KIAA0408: variants seen among roughly 807,000 people sequenced by gnomAD.
KIAA0408 encodes the protein KIAA0408.
Under a neutral mutation model 60.9 loss-of-function variants are expected in KIAA0408, and 51 were observed. That is an observed-to-expected ratio of 0.84 (90% CI 0.67 to 1.06). KIAA0408 has a LOEUF of 1.06. Ranked by LOEUF, KIAA0408 falls within the 50% of genes least tolerant of loss-of-function variation. KIAA0408 has a pLI of 0.00. For missense variants in KIAA0408, 787 were observed against 833.9 expected (o/e 0.94, Z 0.69); for synonymous variants, 304 against 282.4 (o/e 1.08, Z -0.77).
Position 127,440,873 on chromosome 6 carries a change from A to C in KIAA0408, c.*3236T>G, listed in dbSNP as rs1297484326. The C allele has an allele frequency of 6.6e-6, 1 of 152,386 alleles. No homozygotes were observed. Among genetic ancestry groups the C allele is most frequent in the Non-Finnish European group, 1.5e-5 (1 of 68,104 alleles). 9.4% of individuals were successfully genotyped at this position (152,386 alleles called of 1,614,324 possible). ...GAGTTTTGGGTGGCCAGGAGCAGGA[A>C]GTCAGGCAGGTTTGGCTTCAGTTGT... On this transcript the variant is annotated 3_prime_UTR_variant, in exon 6 of 6. Transcript: ENST00000483725.
chr6:127,456,865 T>G (rs1773404857), intron 1 of KIAA0408, among the ~76,000 whole-genome samples: 1 of 152,034 alleles, frequency 6.6e-6, no homozygotes, highest in South Asian at 2.1e-4. Flanking sequence ...AACACTGCTC[T>G]GGATCATAGC....
In KIAA0408 at chr6:127,446,861, T is replaced by C; in HGVS notation, c.1458A>G (p.Ser486=). Residue 486 remains serine, a synonymous_variant, in exon 5 of 6, where the codon TCA becomes TCG. Coordinates refer to ENST00000483725, the MANE Select transcript of KIAA0408 (RefSeq NM_014702.5). The part of the protein sequence containing the change: ...DTSSTHTGSI[S]QSNDVSGIWK... ...AAATACCGGACACATCGTTACTTTG[T>C]GATATGCTACCTGTGTGAGTAGATG... 6.2e-7 allele frequency: 1 copy of C among 1,613,938 alleles called. No individual in the cohort carries two copies. Among genetic ancestry groups the C allele is most frequent in the Non-Finnish European group, 8.5e-7 (1 of 1,179,922 alleles).
chr6:127,448,582 G>C (rs1004884116), intron 4 of KIAA0408, among the ~76,000 whole-genome samples: 3 of 143,306 alleles, frequency 2.1e-5, no homozygotes, highest in African/African-American at 7.4e-5. Context: ...ACTAAATATC[G>C]CAATTCAAAC....
chr6:127,444,370 C>T (rs1332069005), intron 5 of KIAA0408, 88 bp from the exon 6 acceptor site: 12 of 979,148 alleles, frequency 1.2e-5, no homozygotes, highest in Middle Eastern at 2.8e-4. Context: ...AAGATTAGTC[C>T]GTTAGTAAAT....
intron 2 of KIAA0408, among the ~76,000 whole-genome samples, chr6:127,451,515 T>C (rs1773302425): frequency 6.6e-6 from 1 of 152,112 alleles, no homozygotes; most frequent in Non-Finnish European, 1.5e-5. Flanking sequence ...AAAAGTGACA[T>C]GTTAAATCTA....
intron 2 of KIAA0408, chr6:127,450,621 G>A (rs1025128034): frequency 9.4e-6 from 3 of 318,122 alleles, no homozygotes; most frequent in Admixed American, 4.7e-5. Flanking sequence ...AAATAAATCT[G>A]TATCTGTATA....
In KIAA0408 at chr6:127,446,681, A is replaced by G; in HGVS notation, c.1638T>C (p.Asn546=). ...CAGCTGACCTCGGACGGCCAGACAA[A>G]TTACTCGGTCTCCAGTCATGCTCGT... ...MLHEHDWRPS[N]LSGRPRSADP... The change falls in exon 5 of 6, where the codon AAT becomes AAC. Residue 546 remains asparagine, a synonymous_variant. Coordinates refer to ENST00000483725, the MANE Select transcript of KIAA0408 (RefSeq NM_014702.5). 6.2e-7 allele frequency: 1 copy of G among 1,613,920 alleles called. No individual in the cohort carries two copies. Among genetic ancestry groups the G allele is most frequent in the South Asian group, 1.1e-5 (1 of 91,072 alleles).
In KIAA0408 at chr6:127,447,327, G is replaced by A. The variant is rs2236026; in HGVS notation, c.992C>T (p.Ser331Leu). ...AGAGGAAAAGATGATACCATCTTTCGAAGTTTTCCCTTCATTTGGATACAA... is the reference window on the plus strand; with the variant it reads ...AGAGGAAAAGATGATACCATCTTTCAAAGTTTTCCCTTCATTTGGATACAA... ...SMLYPNEGKT[S>L]KDGIIFSSLV... is the part of the protein sequence containing the mutation. Residue 331 changes from serine (S) to leucine (L), a missense_variant, in exon 5 of 6, where the codon TCG (serine) becomes TTG (leucine). Ser to Leu is a moderately radical substitution (Grantham distance 145). Around this residue, in one of 3 missense-constraint regions of KIAA0408, gnomAD observed 640 missense variants for 681.3 expected, o/e 0.94. Transcript: ENST00000483725. 160,572 of 1,613,222 alleles carry A rather than the reference G, an allele frequency of 0.1. 17,912 individuals are homozygous for A. The highest frequency in any genetic ancestry group is 0.65 in the East Asian group (29,230 of 44,862).
Position 127,440,122 on chromosome 6 carries a change from T to A in KIAA0408, c.*3987A>T, listed in dbSNP as rs538578903. The A allele has an allele frequency of 1.3e-5, 2 of 152,312 alleles. No homozygotes were observed. Among genetic ancestry groups the A allele is most frequent in the East Asian group, 3.9e-4 (2 of 5,186 alleles). The allele number at this position is 152,312 out of a possible 1,614,324, so 9.4% of individuals were successfully genotyped here. ...ACTATCATTGAAATGTGTATCAGAT[T>A]TTAAGTATCATGATTTTATTCCCAA... is the stretch of plus-strand genomic sequence containing the variant. On this transcript the variant is annotated 3_prime_UTR_variant, in exon 6 of 6. Transcript: ENST00000483725.
intron 5 of KIAA0408, among the ~76,000 whole-genome samples, chr6:127,444,748 T>A (rs1320289885): frequency 2.0e-5 from 3 of 152,024 alleles, no homozygotes; most frequent in Non-Finnish European, 4.4e-5. Context: ...AAATGATTAA[T>A]CTGATGCTTT....
intron 4 of KIAA0408, among the ~76,000 whole-genome samples, chr6:127,448,344 C>T (rs1186342102): frequency 2.0e-5 from 3 of 151,660 alleles, no homozygotes; most frequent in Admixed American, 6.6e-5. Context: ...TATGGCTACT[C>T]GAAGGAAAAT....
Position 127,440,765 on chromosome 6 carries a change from CT to C in KIAA0408, c.*3343del, listed in dbSNP as rs1193354157. The C allele has an allele frequency of 6.6e-6, 1 of 152,072 alleles. No homozygotes were observed. Among genetic ancestry groups the C allele is most frequent in the Non-Finnish European group, 1.5e-5 (1 of 67,994 alleles). 9.4% of individuals were successfully genotyped at this position (152,072 alleles called of 1,614,324 possible). Reference sequence around the variant, plus strand: ...TAAATGCAAATCTTAGAAGTAAAAACTTTTTTCAAAGAAGACTTTTATCAGA... The same window carrying C: ...TAAATGCAAATCTTAGAAGTAAAAACTTTTTCAAAGAAGACTTTTATCAGA... On this transcript the variant is annotated 3_prime_UTR_variant, in exon 6 of 6. Transcript: ENST00000483725.
At position 127,443,218 on chromosome 6, in the gene KIAA0408, A is replaced by G. The variant is rs1260579049; in HGVS notation, c.*891T>C. On this transcript the variant is annotated 3_prime_UTR_variant, in exon 6 of 6. Coordinates refer to ENST00000483725, the MANE Select transcript of KIAA0408 (RefSeq NM_014702.5). The stretch of plus-strand genomic sequence containing the variant: ...CAACTTAAAGAAAAACTAAAATTCA[A>G]CATCATTCAGTTTCTTTTTGCATCC... The G allele has an allele frequency of 6.6e-6, 1 of 152,146 alleles. No individual in the cohort carries two copies. Among genetic ancestry groups the G allele is most frequent in the African/African-American group, 2.4e-5 (1 of 41,456 alleles). The allele number at this position is 152,146 out of a possible 1,614,324, so 9.4% of individuals were successfully genotyped here. A position where few individuals can be genotyped will look rare whatever the true frequency, so the allele number is the denominator to read the frequency against.
rs1450310389 is a variant in KIAA0408, at chr6:127,441,198, C to G, written c.*2911G>C. 4 of 152,426 alleles carry G rather than the reference C, an allele frequency of 2.6e-5. No individual in the cohort carries two copies. Among genetic ancestry groups the G allele is most frequent in the Non-Finnish European group, 4.4e-5 (3 of 68,014 alleles). 9.4% of individuals were successfully genotyped at this position (152,426 alleles called of 1,614,324 possible). A position where few individuals can be genotyped will look rare whatever the true frequency, so the allele number is the denominator to read the frequency against. ...AAGTCCAGATGTTTTCTCAGGATAA[C>G]TAAACCTGGTAAAATCACCTATATA... On this transcript the variant is annotated 3_prime_UTR_variant, in exon 6 of 6. Coordinates refer to ENST00000483725, the MANE Select transcript of KIAA0408 (RefSeq NM_014702.5).
In KIAA0408 at chr6:127,446,848, C is replaced by T. The variant is rs1166558131; in HGVS notation, c.1471G>A (p.Val491Met). The change falls in exon 5 of 6, where the codon GTG becomes ATG. Residue 491 changes from valine (V) to methionine (M), a missense_variant. Transcript: ENST00000483725. ...HTGSISQSNDVSGIWKTNAHM... is the reference protein window; with the variant it reads ...HTGSISQSNDMSGIWKTNAHM... ...GCATTGGTTTTCCAAATACCGGACA[C>T]ATCGTTACTTTGTGATATGCTACCT... is the stretch of plus-strand genomic sequence containing the variant. 1.2e-6 allele frequency: 2 copies of T among 1,613,794 alleles called. No homozygotes were observed. The highest frequency in any genetic ancestry group is 1.7e-6 in the Non-Finnish European group (2 of 1,179,916).
At chr6:127,455,721 A>G (rs1427681522) in intron 1 of KIAA0408, among the ~76,000 whole-genome samples, 2 of 152,138 alleles carry the variant, frequency 1.3e-5, no homozygotes, top group African/African-American at 4.8e-5. Flanking sequence ...ACATAATTTC[A>G]TATCTGGCTA....
intron 2 of KIAA0408, among the ~76,000 whole-genome samples, chr6:127,451,691 A>G (rs973257952): frequency 6.6e-6 from 1 of 152,152 alleles, no homozygotes; most frequent in African/African-American, 2.4e-5. Flanking sequence ...GTTACTAGAA[A>G]GACTCACTGG....
chr6:127,453,823 T>A, intron 2 of KIAA0408, 24 bp downstream of exon 2: 2 of 1,606,758 alleles, frequency 1.2e-6, no homozygotes, highest in African/African-American at 1.3e-5. Flanking sequence ...CATTACAGTA[T>A]ATCCAAAACA....
intron 1 of KIAA0408, among the ~76,000 whole-genome samples, chr6:127,455,095 T>C (rs12193260): frequency 0.43 from 65,642 of 152,034 alleles, 17,076 homozygotes; most frequent in Non-Finnish European, 0.59. Flanking sequence ...TTTTTTGCTT[T>C]ACAAAATTTC....
Sources: allele counts gnomAD v4.1 joint callset (sites outside exome capture counted in the v4.1 genomes callset), GRCh38; gene constraint gnomAD v4.1.1; regional missense constraint gnomAD v4.1.1; transcripts MANE v1.5; gene names NCBI Gene and HGNC (gene_info 2026-07-23, HGNC 2026-07-21).